FHIT: variants seen among roughly 807,000 people sequenced by gnomAD.
FHIT encodes bis(5'-adenosyl)-triphosphatase.
Under a neutral mutation model 17.9 loss-of-function variants are expected in FHIT, and 19 were observed. The ratio of observed to expected loss-of-function variants is 1.06; its 90% CI spans 0.74 to 1.56. FHIT has a LOEUF of 1.56. FHIT is among the 40% of genes most tolerant of loss of function. The pLI is 0.00. For synonymous variants in FHIT, 81 were observed against 69.7 expected (o/e 1.16, Z -0.81); for missense variants, 248 against 189.2 (o/e 1.31, Z -1.82).
intron 5 of FHIT, among the ~76,000 whole-genome samples, chr3:60,455,850 G>A (rs1472737099): frequency 6.6e-6 from 1 of 152,090 alleles, no homozygotes; most frequent in African/African-American, 2.4e-5. Context: ...GCTGCTTTCA[G>A]AGAAATTCAT....
intron 1 of FHIT, among the ~76,000 whole-genome samples, chr3:61,212,629 T>G (rs2039521251): frequency 6.6e-6 from 1 of 152,048 alleles, no homozygotes; most frequent in South Asian, 2.1e-4. Flanking sequence ...AGGCCAACAT[T>G]CAGCTTCAGG....
intron 8 of FHIT, among the ~76,000 whole-genome samples, chr3:59,859,168 A>T (rs1368153817): frequency 6.6e-6 from 1 of 152,160 alleles, no homozygotes; most frequent in Non-Finnish European, 1.5e-5. Flanking sequence ...TCAAAGAATG[A>T]TGGGGAGATC....
At chr3:60,290,125 A>T (rs1707913766) in intron 5 of FHIT, among the ~76,000 whole-genome samples, 1 of 152,114 alleles carries the variant, frequency 6.6e-6, no homozygotes, top group Non-Finnish European at 1.5e-5. Context: ...TCAGCATTCC[A>T]ATTTGACACC....
intron 4 of FHIT, among the ~76,000 whole-genome samples, chr3:60,819,984 A>G (rs1553738824): frequency 6.6e-6 from 1 of 152,180 alleles, no homozygotes; most frequent in Non-Finnish European, 1.5e-5. Context: ...CAGAAACAAT[A>G]TATTTTATAT....
chr3:60,711,539 C>A (rs1414731815), intron 4 of FHIT, among the ~76,000 whole-genome samples: 11 of 152,220 alleles, frequency 7.2e-5, no homozygotes, highest in South Asian at 4.2e-4. Context: ...AAAATTTAGA[C>A]AAATGTATAA....
intron 5 of FHIT, among the ~76,000 whole-genome samples, chr3:60,054,866 CATCACT>C (rs1236643403): frequency 6.6e-6 from 1 of 152,098 alleles, no homozygotes; most frequent in African/African-American, 2.4e-5. Context: ...AATAGCATTT[CATCACT>C]ATCACTGGTG....
intron 2 of FHIT, among the ~76,000 whole-genome samples, chr3:61,154,744 A>G (rs1026559199): frequency 5.9e-5 from 9 of 152,312 alleles, no homozygotes; most frequent in Middle Eastern, 3.4e-3. Context: ...ATCAAAGTTT[A>G]TTGACTCTCC....
chr3:60,892,449 TTA>T (rs1386204949), intron 3 of FHIT, among the ~76,000 whole-genome samples: 1 of 152,136 alleles, frequency 6.6e-6, no homozygotes, highest in Non-Finnish European at 1.5e-5. Flanking sequence ...CCTTGGAGCT[TTA>T]CCTCTGGGTA....
intron 2 of FHIT, among the ~76,000 whole-genome samples, chr3:61,191,846 T>G (rs578262536): frequency 6.6e-6 from 1 of 152,012 alleles, no homozygotes; most frequent in Non-Finnish European, 1.5e-5. Flanking sequence ...GTATTTTCTA[T>G]GTGCACCATA....
chr3:60,532,814 A>C (rs2035835297), intron 5 of FHIT, among the ~76,000 whole-genome samples: 1 of 152,142 alleles, frequency 6.6e-6, no homozygotes, highest in Non-Finnish European at 1.5e-5. Context: ...CTTTCTCTGA[A>C]AGCTATGAAA....
intron 8 of FHIT, among the ~76,000 whole-genome samples, chr3:59,756,051 A>C (rs1001556974): frequency 6.6e-6 from 1 of 152,132 alleles, no homozygotes; most frequent in Non-Finnish European, 1.5e-5. Flanking sequence ...GGTATTTAAT[A>C]TTCCCTGCTG....
At chr3:60,903,907 CA>C (rs1485475996) in intron 3 of FHIT, among the ~76,000 whole-genome samples, 2 of 152,124 alleles carry the variant, frequency 1.3e-5, no homozygotes, top group Non-Finnish European at 2.9e-5. Context: ...TAACCAAAAT[CA>C]AGAAAGGAGA....
chr3:60,080,099 A>G (rs1324980967), intron 5 of FHIT, among the ~76,000 whole-genome samples: 1 of 152,176 alleles, frequency 6.6e-6, no homozygotes, highest in African/African-American at 2.4e-5. Context: ...GTAATGTCCC[A>G]TTACTTGACA....
At chr3:60,245,038 TA>T (rs894301469) in intron 5 of FHIT, among the ~76,000 whole-genome samples, 1 of 151,966 alleles carries the variant, frequency 6.6e-6, no homozygotes, top group Non-Finnish European at 1.5e-5. Flanking sequence ...GCTGTTTAAT[TA>T]AAAGGTAAAA....
At chr3:60,687,531 A>C (rs2040885815) in intron 4 of FHIT, among the ~76,000 whole-genome samples, 1 of 152,122 alleles carries the variant, frequency 6.6e-6, no homozygotes, top group African/African-American at 2.4e-5. Context: ...CAGAACATGG[A>C]GGCTGTTAAC....
At chr3:59,909,516 G>T (rs553963921) in intron 8 of FHIT, among the ~76,000 whole-genome samples, 6 of 152,252 alleles carry the variant, frequency 3.9e-5, no homozygotes, top group African/African-American at 1.2e-4. Context: ...TTTTAGTAGA[G>T]ACGGGGTTTC....
intron 5 of FHIT, among the ~76,000 whole-genome samples, chr3:60,339,642 A>G (rs1207461240): frequency 1.3e-5 from 2 of 152,202 alleles, no homozygotes; most frequent in African/African-American, 2.4e-5. Context: ...CCAGAAGGAA[A>G]TATTTGTAGC....
At chr3:59,799,806 T>C (rs985875730) in intron 8 of FHIT, among the ~76,000 whole-genome samples, 1 of 152,198 alleles carries the variant, frequency 6.6e-6, no homozygotes, top group African/African-American at 2.4e-5. Flanking sequence ...AATTGATCTA[T>C]AATACATAAC....
intron 4 of FHIT, among the ~76,000 whole-genome samples, chr3:60,704,260 A>G (rs941813684): frequency 6.6e-6 from 1 of 152,184 alleles, no homozygotes; most frequent in Non-Finnish European, 1.5e-5. Context: ...CAAGTCATTT[A>G]CTACTCCCCT....
Sources: allele counts gnomAD v4.1 joint callset (sites outside exome capture counted in the v4.1 genomes callset), GRCh38; gene constraint gnomAD v4.1.1; transcripts MANE v1.5; gene names NCBI Gene and HGNC (gene_info 2026-07-23, HGNC 2026-07-21).